Variants in C2CD3 observed in about 807,000 individuals in gnomAD.
C2CD3 encodes the protein C2 domain-containing protein 3.
A neutral mutation model predicts 234.0 loss-of-function variants in C2CD3; 148 were observed. The ratio of observed to expected loss-of-function variants is 0.63; its 90% confidence interval spans 0.55 to 0.72. The LOEUF (loss-of-function observed/expected upper bound fraction) is 0.72, where lower values mean the gene tolerates loss of function less well. Ranked by LOEUF, C2CD3 falls within the 30% of genes least tolerant of loss-of-function variation. The pLI is 0.00. For missense variants in C2CD3, 2,577 were observed against 2,811.5 expected (o/e 0.92, Z 1.89); for synonymous variants, 1,000 against 1,035.4 (o/e 0.97, Z 0.66).
intron 3 of C2CD3, among the ~76,000 whole-genome samples, chr11:74,145,732 A>T (rs2135551077): frequency 6.6e-6 from 1 of 152,268 alleles, no homozygotes; most frequent in Admixed American, 6.5e-5. Flanking sequence ...ATATGGTGTA[A>T]GTAAGGGGTC....
At position 74,078,419 on chromosome 11, in the gene C2CD3, T is replaced by A. The variant is rs372443286; in HGVS notation, c.4299A>T (p.Thr1433=). Residue 1433 remains threonine, a synonymous_variant, in exon 23 of 33, where the codon ACA becomes ACT. Transcript: ENST00000334126. ...AGAACTTGTAGCGAAGGTAGCAATA[T>A]GTATTCTTATGAATGTGGTTGTGGC... ...LAGHNHIHKN[T]YCYLRYKFYD... The A allele has an allele frequency of 6.2e-7, 1 of 1,614,198 alleles. No homozygotes were observed.
intron 3 of C2CD3, among the ~76,000 whole-genome samples, chr11:74,150,492 C>CAAAAAAAAAAAAAAAA (rs769668218): frequency 4.9e-4 from 8 of 16,224 alleles, no homozygotes; most frequent in African/African-American, 7.8e-4. Context: ...GACCCTGTCT[C>CAAAAAAAAAAAAAAAA]AAAAAAAAAA....
At chr11:74,077,847 TATC>T (rs1955142575) in intron 23 of C2CD3, among the ~76,000 whole-genome samples, 2 of 33,670 alleles carry the variant, frequency 5.9e-5, no homozygotes, top group African/African-American at 3.2e-4. Context: ...ATATATATAT[TATC>T]TCTTTAGTTA....
intron 1 of C2CD3, among the ~76,000 whole-genome samples, chr11:74,169,749 G>C (rs1857039066): frequency 1.3e-5 from 2 of 152,026 alleles, no homozygotes; most frequent in Non-Finnish European, 2.9e-5. Context: ...TTTGACACAG[G>C]GAGCACTAGT....
chr11:74,141,520 CCA>C (rs1407337574), intron 3 of C2CD3, among the ~76,000 whole-genome samples: 2 of 152,308 alleles, frequency 1.3e-5, no homozygotes, highest in East Asian at 1.9e-4. Context: ...TGCTGACTGG[CCA>C]CAGAGTTTGC....
intron 3 of C2CD3, among the ~76,000 whole-genome samples, chr11:74,159,448 T>A (rs1269142957): frequency 6.6e-6 from 1 of 152,080 alleles, no homozygotes; most frequent in Non-Finnish European, 1.5e-5. Context: ...GAACAAGATA[T>A]GGAGGTGGAA....
chr11:74,099,554 G>C (rs11235996), intron 15 of C2CD3, among the ~76,000 whole-genome samples: 27,369 of 152,110 alleles, frequency 0.18, 2,669 homozygotes, highest in East Asian at 0.3. Flanking sequence ...CTAGGAAAGA[G>C]GTCAGTGCTA....
intron 28 of C2CD3, among the ~76,000 whole-genome samples, chr11:74,043,061 A>C (rs576629668): frequency 8.5e-5 from 13 of 152,350 alleles, no homozygotes; most frequent in African/African-American, 2.9e-4. Context: ...AATGGTTTTT[A>C]GTATATGCAG....
chr11:74,062,123 G>T (rs554126542), intron 24 of C2CD3, among the ~76,000 whole-genome samples: 1 of 152,064 alleles, frequency 6.6e-6, no homozygotes, highest in East Asian at 1.9e-4. Context: ...GATTCATAAA[G>T]CAAGTCCTTA....
intron 28 of C2CD3, 129 bp from the exon 29 acceptor site, chr11:74,042,347 C>G (rs1953108173): frequency 3.3e-6 from 3 of 906,042 alleles, no homozygotes; most frequent in Non-Finnish European, 4.9e-6. Context: ...TATCACAGTT[C>G]TGGCCTTATC....
chr11:74,154,129 G>A (rs535353921), intron 3 of C2CD3, among the ~76,000 whole-genome samples: 1 of 152,134 alleles, frequency 6.6e-6, no homozygotes, highest in Admixed American at 6.5e-5. Context: ...GGAAAACAGT[G>A]GAGAAAATCT....
intron 13 of C2CD3, 68 bp from the exon 14 acceptor site, chr11:74,103,693 T>C: frequency 7.7e-7 from 1 of 1,297,368 alleles, no homozygotes; most frequent in Admixed American, 2.1e-5. Context: ...ATTTTGAGGC[T>C]GGAAACAACA....
chr11:74,119,231 T>G (rs1404338643), intron 8 of C2CD3, among the ~76,000 whole-genome samples: 1 of 152,034 alleles, frequency 6.6e-6, no homozygotes, highest in Non-Finnish European at 1.5e-5. Context: ...TTGTCACCAT[T>G]CTATACTACA....
In C2CD3 at chr11:74,117,129, AAT is replaced by A. The variant is rs1266668424; in HGVS notation, c.1520+1097_1520+1098del. On this transcript the variant is annotated intron_variant, in intron 9 of 32. Coordinates refer to ENST00000334126, the MANE Select transcript of C2CD3 (RefSeq NM_001286577.2). ...ATATATATATGAATATATATATATG[AAT>A]ATATATATATGAATATATATATATG... Among the ~76,000 whole-genome samples, 44 of 5,844 alleles carry A rather than the reference AAT, an allele frequency of 7.5e-3. 1 individual carries two copies. The highest frequency in any genetic ancestry group is 0.021 in the African/African-American group (16 of 774). The allele number at this position is 5,844 out of a possible 152,430, so 3.8% of individuals were successfully genotyped here. A position where few individuals can be genotyped will look rare whatever the true frequency, so the allele number is the denominator to read the frequency against.
chr11:74,140,980 T>C (rs1820316190), intron 3 of C2CD3, among the ~76,000 whole-genome samples: 1 of 152,154 alleles, frequency 6.6e-6, no homozygotes, highest in East Asian at 1.9e-4. Flanking sequence ...AAATGGAGTT[T>C]TGAAGCAAAA....
At position 74,114,477 on chromosome 11, in the gene C2CD3, T is replaced by C; in HGVS notation, c.1637A>G (p.Glu546Gly). 6.2e-7 allele frequency: 1 copy of C among 1,614,006 alleles called. No homozygotes were observed. Among genetic ancestry groups the C allele is most frequent in the South Asian group, 1.1e-5 (1 of 91,076 alleles). Residue 546 changes from glutamate (E) to glycine (G), a missense_variant, in exon 10 of 33, where the codon GAA becomes GGA. Physicochemically the swap from Glu to Gly is moderately conservative, Grantham distance 98. Transcript: ENST00000334126. ...GRTHSVRIII[E>G]TMGVPPDSPQ... ...ACTATCTGGAGGAACTCCCATGGTT[T>C]CGATGATGATTCTGACTGAATGTGT...
intron 3 of C2CD3, chr11:74,142,356 C>G (rs1565340761): frequency 6.6e-6 from 1 of 152,122 alleles, no homozygotes; most frequent in African/African-American, 2.4e-5. Context: ...TTTCGGAATA[C>G]AAAGTGATTT....
intron 16 of C2CD3, 56 bp downstream of exon 16, chr11:74,097,953 A>G: frequency 6.4e-7 from 1 of 1,557,224 alleles, no homozygotes; most frequent in Non-Finnish European, 8.7e-7. Context: ...TAAATTCACT[A>G]AAATATGCAA....
chr11:74,076,455 G>C (rs1415760719), intron 23 of C2CD3, among the ~76,000 whole-genome samples: 1 of 152,176 alleles, frequency 6.6e-6, no homozygotes, highest in East Asian at 1.9e-4. Context: ...ATCTAGTCTG[G>C]CTATCTCTAA....
Sources: allele counts gnomAD v4.1 joint callset (sites outside exome capture counted in the v4.1 genomes callset), GRCh38; gene constraint gnomAD v4.1.1; transcripts MANE v1.5; gene names NCBI Gene and HGNC (gene_info 2026-07-23, HGNC 2026-07-21).